The following CLSTN2 variants were observed in gnomAD, a reference collection of about 807,000 sequenced individuals.
The protein encoded by CLSTN2 is calsyntenin-2.
CLSTN2 carries 48 observed loss-of-function variants against 101.2 expected under a neutral mutation model. That is an observed-to-expected ratio of 0.47 (90% CI 0.38 to 0.60). The LOEUF (loss-of-function observed/expected upper bound fraction) is 0.60. CLSTN2 is among the 20% of genes least tolerant of loss of function. The probability of loss-of-function intolerance (pLI) is 0.00; values close to 1 mark genes in which losing one functional copy is unlikely to be tolerated. For missense variants in CLSTN2, 1,160 were observed against 1,238.2 expected (o/e 0.94, Z 0.95); for synonymous variants, 481 against 463.6 (o/e 1.04, Z -0.48).
intron 9 of CLSTN2, among the ~76,000 whole-genome samples, chr3:140,533,203 C>A (rs1007814124): frequency 2.0e-5 from 3 of 152,222 alleles, no homozygotes; most frequent in Non-Finnish European, 4.4e-5. Context: ...TCACTCAGGT[C>A]TGCTGGAGTC....
chr3:140,294,612 G>C (rs1200985277), intron 2 of CLSTN2, among the ~76,000 whole-genome samples: 1 of 151,690 alleles, frequency 6.6e-6, no homozygotes, highest in African/African-American at 2.4e-5. Context: ...ATGAGCCTAG[G>C]AGATCAATTT....
chr3:140,392,715 G>A (rs2088129645), intron 2 of CLSTN2, among the ~76,000 whole-genome samples: 1 of 151,956 alleles, frequency 6.6e-6, no homozygotes, highest in South Asian at 2.1e-4. Flanking sequence ...AAAGACACTA[G>A]TGATGAGAAA....
chr3:140,464,157 C>T (rs1933629988), intron 7 of CLSTN2, among the ~76,000 whole-genome samples: 1 of 152,168 alleles, frequency 6.6e-6, no homozygotes, highest in South Asian at 2.1e-4. Context: ...TTCTTTTCCT[C>T]TCATCCATAT....
intron 1 of CLSTN2, among the ~76,000 whole-genome samples, chr3:140,072,684 T>G (rs375352389): frequency 2.5e-4 from 38 of 152,352 alleles, no homozygotes; most frequent in Admixed American, 8.5e-4. Context: ...CCATGATTAA[T>G]CAAAATCTCC....
chr3:139,961,893 A>G (rs1022813566), intron 1 of CLSTN2, among the ~76,000 whole-genome samples: 1 of 152,118 alleles, frequency 6.6e-6, no homozygotes, highest in African/African-American at 2.4e-5. Context: ...AGTTTATACC[A>G]TATTTACAAT....
At chr3:140,185,722 C>A (rs2010476612) in intron 2 of CLSTN2, among the ~76,000 whole-genome samples, 1 of 152,138 alleles carries the variant, frequency 6.6e-6, no homozygotes, top group Admixed American at 6.5e-5. Flanking sequence ...AAGGGGGCAA[C>A]TGTTGCAGGT....
chr3:140,253,694 T>A (rs1213216598), intron 2 of CLSTN2, among the ~76,000 whole-genome samples: 1 of 152,188 alleles, frequency 6.6e-6, no homozygotes, highest in Non-Finnish European at 1.5e-5. Flanking sequence ...TACCTGGGCC[T>A]AATTCTGTTA....
At chr3:140,313,538 C>T (rs1236725631) in intron 2 of CLSTN2, among the ~76,000 whole-genome samples, 1 of 152,128 alleles carries the variant, frequency 6.6e-6, no homozygotes, top group African/African-American at 2.4e-5. Flanking sequence ...CTGAGAGTGC[C>T]TAGAGGAGGT....
chr3:140,185,382 C>G (rs983339246), intron 2 of CLSTN2, among the ~76,000 whole-genome samples: 2 of 152,140 alleles, frequency 1.3e-5, no homozygotes, highest in African/African-American at 4.8e-5. Context: ...TGGAAGAACA[C>G]TTTAGAAGAC....
intron 2 of CLSTN2, among the ~76,000 whole-genome samples, chr3:140,278,904 A>G (rs1318793421): frequency 6.6e-6 from 1 of 151,940 alleles, no homozygotes. Flanking sequence ...AATTTTTTCT[A>G]GAGACAGGGT....
At chr3:140,435,969 T>C (rs2088681991) in intron 5 of CLSTN2, among the ~76,000 whole-genome samples, 2 of 152,230 alleles carry the variant, frequency 1.3e-5, no homozygotes, top group South Asian at 4.1e-4. Context: ...GGTCTGGTCA[T>C]TAATCCCTTG....
At chr3:140,346,654 G>T (rs1429306086) in intron 2 of CLSTN2, among the ~76,000 whole-genome samples, 1 of 152,128 alleles carries the variant, frequency 6.6e-6, no homozygotes, top group African/African-American at 2.4e-5. Flanking sequence ...CCAAAATTGG[G>T]GCTGAAAACT....
chr3:140,011,777 A>G (rs1028436854), intron 1 of CLSTN2, among the ~76,000 whole-genome samples: 139 of 151,616 alleles, frequency 9.2e-4, no homozygotes, highest in Non-Finnish European at 1.7e-3. Context: ...TTCTGGCAGG[A>G]TGGGTAAGTG....
At chr3:140,320,361 A>G (rs2087270443) in intron 2 of CLSTN2, among the ~76,000 whole-genome samples, 1 of 152,172 alleles carries the variant, frequency 6.6e-6, no homozygotes, top group African/African-American at 2.4e-5. Flanking sequence ...TTTAAAAAGG[A>G]AAGTAACAAC....
chr3:140,483,620 G>T (rs1576592578), intron 8 of CLSTN2, among the ~76,000 whole-genome samples: 1 of 151,942 alleles, frequency 6.6e-6, no homozygotes, highest in Admixed American at 6.6e-5. Context: ...TATGAATCTG[G>T]GTGCTCCTGT....
chr3:140,149,086 C>T lies in CLSTN2; in HGVS notation c.110-26865C>T, dbSNP rs78446859. Among the ~76,000 whole-genome samples the T allele has an allele frequency of 4.4e-3, 675 of 152,184 alleles. 33 individuals are homozygous for T. The East Asian group carries it at 0.11, about 25-fold the overall frequency. ...GGAGAAGCTCACCTGCCTTGCACAC[C>T]ACTGAACTCTTTTCATTCTGAGAAC... On this transcript the variant is annotated intron_variant, in intron 1 of 16. Transcript: ENST00000458420.
intron 1 of CLSTN2, among the ~76,000 whole-genome samples, chr3:140,094,971 AG>A (rs2008844682): frequency 6.6e-6 from 1 of 152,266 alleles, no homozygotes; most frequent in Non-Finnish European, 1.5e-5. Flanking sequence ...TGGGACTTCA[AG>A]GTCTCAAAAT....
At chr3:140,244,119 T>A (rs1365759271) in intron 2 of CLSTN2, among the ~76,000 whole-genome samples, 1 of 152,180 alleles carries the variant, frequency 6.6e-6, no homozygotes, top group Non-Finnish European at 1.5e-5. Flanking sequence ...TGAATTCAGT[T>A]GTGGCTAACA....
At chr3:139,994,935 TG>T (rs1247646670) in intron 1 of CLSTN2, among the ~76,000 whole-genome samples, 1 of 152,214 alleles carries the variant, frequency 6.6e-6, no homozygotes, top group Non-Finnish European at 1.5e-5. Flanking sequence ...CCTTCCTAAA[TG>T]ACTCAAGTCC....
Sources: allele counts gnomAD v4.1 joint callset (sites outside exome capture counted in the v4.1 genomes callset), GRCh38; gene constraint gnomAD v4.1.1; transcripts MANE v1.5; gene names NCBI Gene and HGNC (gene_info 2026-07-23, HGNC 2026-07-21).